SNX29: variants seen among roughly 807,000 people sequenced by gnomAD.
The protein encoded by SNX29 is sorting nexin-29.
Under a neutral mutation model 102.1 loss-of-function variants are expected in SNX29, and 78 were observed. The observed-to-expected ratio is 0.76, with a 90% CI of 0.64 to 0.92. The LOEUF is 0.92. Among genes scored for constraint, SNX29 ranks in the 40% least tolerant of loss-of-function variants. SNX29 has a pLI of 0.00. For synonymous variants in SNX29, 580 were observed against 414.5 expected (o/e 1.40, Z -4.85); for missense variants, 1,280 against 1,061.7 (o/e 1.21, Z -2.86).
intron 15 of SNX29, among the ~76,000 whole-genome samples, chr16:12,354,939 A>G (rs1457009282): frequency 6.6e-6 from 1 of 152,148 alleles, no homozygotes; most frequent in Non-Finnish European, 1.5e-5. Context: ...TTACTATTTC[A>G]TATTTCACAC....
chr16:11,989,663 T>C (rs945142697), intron 1 of SNX29, among the ~76,000 whole-genome samples: 1 of 152,230 alleles, frequency 6.6e-6, no homozygotes, highest in Non-Finnish European at 1.5e-5. Context: ...AGAATCTAGA[T>C]TCAACAACTG....
In SNX29 at chr16:12,569,058, TA is replaced by T; in HGVS notation, c.*430del. The T allele has an allele frequency of 4.7e-6, 1 of 212,240 alleles. No homozygotes were observed. The highest frequency in any genetic ancestry group is 9.2e-6 in the Non-Finnish European group (1 of 108,998). The allele number at this position is 212,240 out of a possible 1,614,324, so 13.1% of individuals were successfully genotyped here. The stretch of plus-strand genomic sequence containing the variant: ...TTTCCCACGTGGGGACTAGAATGAC[TA>T]TTAGCCTCTCCTTTTGCTTTTTAAG... On this transcript the variant is annotated 3_prime_UTR_variant, in exon 21 of 21. Coordinates refer to ENST00000566228, the MANE Select transcript of SNX29 (RefSeq NM_032167.5).
At chr16:12,563,826 C>T (rs950144077) in intron 20 of SNX29, among the ~76,000 whole-genome samples, 27 of 152,206 alleles carry the variant, frequency 1.8e-4, no homozygotes, top group Non-Finnish European at 2.6e-4. Flanking sequence ...TTTATTTATT[C>T]AGGCTGCCTG....
chr16:12,121,320 A>G (rs2053962472), intron 11 of SNX29, among the ~76,000 whole-genome samples: 1 of 152,240 alleles, frequency 6.6e-6, no homozygotes, highest in South Asian at 2.1e-4. Flanking sequence ...ATGCCAATTT[A>G]GAACACAAGG....
intron 15 of SNX29, among the ~76,000 whole-genome samples, chr16:12,324,570 T>A (rs549905543): frequency 3.0e-4 from 46 of 152,166 alleles, no homozygotes; most frequent in Admixed American, 1.2e-3. Context: ...ACTGTGCCTG[T>A]CAATGTTTTC....
At chr16:12,465,451 C>G (rs1157028124) in intron 18 of SNX29, among the ~76,000 whole-genome samples, 1 of 151,782 alleles carries the variant, frequency 6.6e-6, no homozygotes, top group Non-Finnish European at 1.5e-5. Flanking sequence ...TGCCCAGCAC[C>G]ATTTATTGAA....
At chr16:12,107,926 A>G (rs1202469692) in intron 11 of SNX29, among the ~76,000 whole-genome samples, 3 of 152,184 alleles carry the variant, frequency 2.0e-5, no homozygotes, top group Non-Finnish European at 2.9e-5. Flanking sequence ...AAGCTATGAA[A>G]TGAATTAGGC....
rs1420480166 is a variant in SNX29, at chr16:12,481,475, T to TAC, written c.2178+3622_2178+3623dup. 4.4e-5 allele frequency among the ~76,000 whole-genome samples: 6 copies of TAC among 137,142 alleles called. No homozygotes were observed. In the East Asian group the frequency reaches 8.4e-4, roughly 19 times the overall value. The allele number at this position is 137,142 out of a possible 152,430, so 90.0% of individuals were successfully genotyped here. ...ATATACATATATATATACACATATA[T>TAC]ACACACATATATATACACATATGTA... On this transcript the variant is annotated intron_variant, in intron 19 of 20. Coordinates refer to ENST00000566228, the MANE Select transcript of SNX29 (RefSeq NM_032167.5).
intron 3 of SNX29, among the ~76,000 whole-genome samples, chr16:12,010,708 T>C (rs942121240): frequency 6.6e-6 from 1 of 152,080 alleles, no homozygotes; most frequent in African/African-American, 2.4e-5. Context: ...AGAGCATTTC[T>C]TCTCCTTTCA....
At chr16:12,291,567 A>G (rs2079796116) in intron 15 of SNX29, among the ~76,000 whole-genome samples, 2 of 152,192 alleles carry the variant, frequency 1.3e-5, no homozygotes, top group Admixed American at 1.3e-4. Context: ...GATGGCTGTG[A>G]TCACCCCTGG....
At chr16:12,542,616 G>A (rs1304863815) in intron 20 of SNX29, among the ~76,000 whole-genome samples, 1 of 152,234 alleles carries the variant, frequency 6.6e-6, no homozygotes, top group African/African-American at 2.4e-5. Context: ...ACAGGCGTGA[G>A]CCACGGCACC....
intron 18 of SNX29, among the ~76,000 whole-genome samples, chr16:12,464,134 G>T (rs1251928285): frequency 1.3e-5 from 2 of 151,416 alleles, no homozygotes; most frequent in Non-Finnish European, 2.9e-5. Flanking sequence ...TCTGTGTCTG[G>T]CTTATTTGGT....
chr16:12,557,024 CCG>C (rs1491401021), intron 20 of SNX29, among the ~76,000 whole-genome samples: 4,589 of 27,188 alleles, frequency 0.17, 307 homozygotes, highest in Middle Eastern at 0.24. Flanking sequence ...TACCCCCCCC[CCG>C]CCCCAAGATG....
intron 16 of SNX29, among the ~76,000 whole-genome samples, chr16:12,361,375 T>A (rs1042020671): frequency 1.3e-5 from 2 of 152,242 alleles, no homozygotes; most frequent in Non-Finnish European, 2.9e-5. Flanking sequence ...GATAAATTTT[T>A]GGAGAGCAAC....
chr16:12,420,986 C>A (rs990740750), intron 18 of SNX29, among the ~76,000 whole-genome samples: 2 of 152,184 alleles, frequency 1.3e-5, no homozygotes, highest in Non-Finnish European at 2.9e-5. Flanking sequence ...GTACTAGGTG[C>A]TATGCGGGGT....
At chr16:12,534,773 C>A (rs957872520) in intron 20 of SNX29, among the ~76,000 whole-genome samples, 1 of 152,196 alleles carries the variant, frequency 6.6e-6, no homozygotes, top group African/African-American at 2.4e-5. Flanking sequence ...GCGTCTACCC[C>A]TCTGGTTTTT....
intron 15 of SNX29, among the ~76,000 whole-genome samples, chr16:12,341,221 T>C (rs575300648): frequency 6.2e-4 from 94 of 152,226 alleles, no homozygotes; most frequent in Non-Finnish European, 1.1e-3. Context: ...ATACAAGTCT[T>C]GTGATGGATA....
At chr16:12,331,334 C>T (rs2081286356) in intron 15 of SNX29, among the ~76,000 whole-genome samples, 1 of 152,174 alleles carries the variant, frequency 6.6e-6, no homozygotes, top group Non-Finnish European at 1.5e-5. Flanking sequence ...AGCTTGGTAC[C>T]AGAAAAAGAC....
chr16:12,328,497 G>A (rs769610514), intron 15 of SNX29, among the ~76,000 whole-genome samples: 6 of 152,148 alleles, frequency 3.9e-5, no homozygotes, highest in Non-Finnish European at 8.8e-5. Flanking sequence ...CAAAGCACTT[G>A]ACTCTCAGCC....
Sources: allele counts gnomAD v4.1 joint callset (sites outside exome capture counted in the v4.1 genomes callset), GRCh38; gene constraint gnomAD v4.1.1; transcripts MANE v1.5; gene names NCBI Gene and HGNC (gene_info 2026-07-23, HGNC 2026-07-21).